Variants in DGKI observed in about 807,000 individuals in gnomAD.
DGKI encodes the protein diacylglycerol kinase iota.
A neutral mutation model predicts 147.5 loss-of-function variants in DGKI; 55 were observed. The ratio of observed to expected loss-of-function variants is 0.37; its 90% CI spans 0.30 to 0.47. The LOEUF (loss-of-function observed/expected upper bound fraction) is 0.47, where lower values mean the gene tolerates loss of function less well. DGKI is among the 20% of genes least tolerant of loss of function. The pLI is 1.00. For missense variants in DGKI, 1,007 were observed against 1,323.8 expected, an observed-to-expected ratio of 0.76 and a Z score of 3.71; for synonymous variants, 469 against 477.1, an observed-to-expected ratio of 0.98 and a Z score of 0.22.
intron 1 of DGKI, among the ~76,000 whole-genome samples, chr7:137,696,994 G>T (rs1278412899): frequency 1.3e-5 from 2 of 152,154 alleles, no homozygotes; most frequent in Admixed American, 1.3e-4. Context: ...ATGAGCCAAG[G>T]AACACTGAAG....
At chr7:137,467,373 C>T (rs1814700084) in intron 24 of DGKI, among the ~76,000 whole-genome samples, 1 of 152,156 alleles carries the variant, frequency 6.6e-6, no homozygotes, top group South Asian at 2.1e-4. Flanking sequence ...ATCTTTTATG[C>T]CTCCTGAAAT....
chr7:137,572,689 C>G (rs555647630), intron 18 of DGKI, 76 bp downstream of exon 18: 1 of 1,020,288 alleles, frequency 9.8e-7, no homozygotes, highest in East Asian at 2.4e-5. Flanking sequence ...ACATCTGAAA[C>G]TTTTCTGTTA....
chr7:137,596,852 T>G (rs1819816139), intron 12 of DGKI, among the ~76,000 whole-genome samples: 1 of 152,224 alleles, frequency 6.6e-6, no homozygotes, highest in African/African-American at 2.4e-5. Flanking sequence ...AAGATTTTGT[T>G]GCTACCTTTG....
chr7:137,505,711 CA>C (rs34646057), intron 21 of DGKI, among the ~76,000 whole-genome samples: 1,124 of 61,696 alleles, frequency 0.018, 2 homozygotes, highest in Middle Eastern at 0.031. Context: ...ATAAGAGATG[CA>C]AAAAAAAAAA....
At chr7:137,579,074 G>T (rs1819086002) in intron 15 of DGKI, among the ~76,000 whole-genome samples, 1 of 152,110 alleles carries the variant, frequency 6.6e-6, no homozygotes. Flanking sequence ...TTATGTAGAT[G>T]TATTGGCATA....
intron 6 of DGKI, among the ~76,000 whole-genome samples, chr7:137,643,012 C>T (rs1037258896): frequency 7.1e-6 from 1 of 140,608 alleles, no homozygotes; most frequent in Non-Finnish European, 1.5e-5. Flanking sequence ...TGAATATGGG[C>T]CGGGCGCGGT....
At chr7:137,672,924 CAG>C (rs1170359896) in intron 3 of DGKI, among the ~76,000 whole-genome samples, 1 of 151,950 alleles carries the variant, frequency 6.6e-6, no homozygotes, top group Non-Finnish European at 1.5e-5. Context: ...GCCGGGATTG[CAG>C]GCATGCATCA....
chr7:137,557,813 G>A (rs1259458643), intron 19 of DGKI, among the ~76,000 whole-genome samples: 2 of 152,080 alleles, frequency 1.3e-5, no homozygotes, highest in Non-Finnish European at 2.9e-5. Context: ...TCTGCCGTAT[G>A]ACCCTCCCAC....
At chr7:137,720,242 G>GA (rs1470874093) in intron 1 of DGKI, among the ~76,000 whole-genome samples, 3 of 123,694 alleles carry the variant, frequency 2.4e-5, no homozygotes, top group East Asian at 2.4e-4. Flanking sequence ...TTTCACACTT[G>GA]AAAAAATCTT....
In DGKI at chr7:137,703,523, G is replaced by A. The variant is rs563657679; in HGVS notation, c.402-13521C>T. Among the ~76,000 whole-genome samples the A allele has an allele frequency of 2.6e-4, 39 of 152,304 alleles. No homozygotes were observed. The South Asian group carries it at 7.5e-3, about 29-fold the overall frequency. On this transcript the variant is annotated intron_variant, in intron 1 of 32. Transcript: ENST00000614521. ...ACCATCTTACACATTCCTGAGTGTT[G>A]AAGACATGCCCCACAATTCATACAG...
intron 4 of DGKI, 100 bp downstream of exon 4, chr7:137,656,366 G>T: frequency 8.2e-7 from 1 of 1,222,922 alleles, no homozygotes; most frequent in South Asian, 1.3e-5. Context: ...TTTTTTTAAG[G>T]GCATTGTTTT....
intron 1 of DGKI, among the ~76,000 whole-genome samples, chr7:137,836,835 T>C (rs370415900): frequency 6.6e-6 from 1 of 152,208 alleles, no homozygotes; most frequent in African/African-American, 2.4e-5. Context: ...AGAATGTTCA[T>C]CCACTCAGCC....
intron 3 of DGKI, among the ~76,000 whole-genome samples, chr7:137,667,676 C>T (rs1822688922): frequency 6.6e-6 from 1 of 152,032 alleles, no homozygotes; most frequent in Non-Finnish European, 1.5e-5. Flanking sequence ...AGTTAAGAAG[C>T]GATATCAAGC....
At chr7:137,822,101 T>C (rs1012604850) in intron 1 of DGKI, among the ~76,000 whole-genome samples, 1 of 152,186 alleles carries the variant, frequency 6.6e-6, no homozygotes, top group Non-Finnish European at 1.5e-5. Flanking sequence ...GCCTATCCAC[T>C]GAATAATAAT....
chr7:137,527,810 TC>T (rs1362865425), intron 20 of DGKI, among the ~76,000 whole-genome samples: 1 of 152,160 alleles, frequency 6.6e-6, no homozygotes, highest in Non-Finnish European at 1.5e-5. Context: ...TGCCTTAACT[TC>T]TTTCAAGCAA....
chr7:137,516,457 T>C (rs528441166), intron 21 of DGKI, among the ~76,000 whole-genome samples: 1 of 152,248 alleles, frequency 6.6e-6, no homozygotes, highest in South Asian at 2.1e-4. Flanking sequence ...TTCTTGCTTA[T>C]ATATTTTATC....
At chr7:137,468,142 C>T (rs1427451308) in intron 24 of DGKI, among the ~76,000 whole-genome samples, 1 of 152,104 alleles carries the variant, frequency 6.6e-6, no homozygotes, top group East Asian at 1.9e-4. Flanking sequence ...AATTCACAAA[C>T]ATTTAATGAG....
At chr7:137,516,783 T>G (rs1021392208) in intron 21 of DGKI, among the ~76,000 whole-genome samples, 6 of 152,098 alleles carry the variant, frequency 3.9e-5, no homozygotes, top group African/African-American at 1.4e-4. Flanking sequence ...GTTGAATGGC[T>G]CTACCATTTT....
At chr7:137,659,675 G>A (rs556382315) in intron 3 of DGKI, among the ~76,000 whole-genome samples, 7 of 152,348 alleles carry the variant, frequency 4.6e-5, no homozygotes, top group Admixed American at 6.5e-5. Context: ...GCTCATGCCT[G>A]TAATCCCAGC....
Sources: allele counts gnomAD v4.1 joint callset (sites outside exome capture counted in the v4.1 genomes callset), GRCh38; gene constraint gnomAD v4.1.1; transcripts MANE v1.5; gene names NCBI Gene and HGNC (gene_info 2026-07-23, HGNC 2026-07-21).